Variants in DMC1 observed in about 807,000 individuals in gnomAD.
The protein encoded by DMC1 is DNA meiotic recombinase 1, also known as meiotic recombination protein DMC1 homolog.
DMC1 carries 27 observed loss-of-function variants against 50.1 expected under a neutral mutation model. The observed-to-expected ratio is 0.54, with a 90% CI of 0.40 to 0.74. DMC1 has a LOEUF of 0.74. Among genes scored for constraint, DMC1 ranks in the 30% least tolerant of loss-of-function variants. The pLI, the probability that DMC1 is intolerant of heterozygous loss-of-function variation, is 0.00. For missense variants in DMC1, 295 were observed against 420.2 expected (o/e 0.70, Z 2.60); for synonymous variants, 148 against 136.1 (o/e 1.09, Z -0.61).
At chr22:38,559,115 C>T (rs1215592405) in intron 5 of DMC1, among the ~76,000 whole-genome samples, 1 of 152,154 alleles carries the variant, frequency 6.6e-6, no homozygotes, top group East Asian at 1.9e-4. Flanking sequence ...CCACAACCTC[C>T]ATCTCCCAGG....
At chr22:38,513,292 C>G in the DMC1 span, among the ~76,000 whole-genome samples, 1 of 152,224 alleles carries the variant, frequency 6.6e-6, no homozygotes, top group Non-Finnish European at 1.5e-5. Context: ...TGAGCAGCCT[C>G]TAACCCCTGC....
chr22:38,535,921 T>A (rs1470274710), intron 12 of DMC1, among the ~76,000 whole-genome samples: 1 of 148,570 alleles, frequency 6.7e-6, no homozygotes, highest in Non-Finnish European at 1.5e-5. Context: ...CTTTAAAAGA[T>A]TTTTTTAAAA....
In DMC1 at chr22:38,568,141, G is replaced by A. The variant is rs112272401; in HGVS notation, c.51+65C>T. 712 of 1,415,486 alleles carry A rather than the reference G, an allele frequency of 5.0e-4. 3 individuals carry two copies. The African/African-American group carries it at 8.9e-3, about 18-fold the overall frequency. 87.7% of individuals were successfully genotyped at this position (1,415,486 alleles called of 1,614,324 possible). On this transcript the variant is annotated intron_variant, in intron 2 of 13. Transcript: ENST00000216024. Reference sequence around the variant, plus strand: ...CAGCTTCTAAAAATAGTAGCTAACAGGGAAGGAACTTGATTTTTGCGGAAT... The same window carrying A: ...CAGCTTCTAAAAATAGTAGCTAACAAGGAAGGAACTTGATTTTTGCGGAAT...
At chr22:38,548,694 C>T (rs1044394849) in intron 8 of DMC1, among the ~76,000 whole-genome samples, 5 of 151,988 alleles carry the variant, frequency 3.3e-5, no homozygotes, top group African/African-American at 1.2e-4. Context: ...GCCAACATGG[C>T]GAAACCCCAT....
chr22:38,526,291 A>G (rs945147352), intron 12 of DMC1, among the ~76,000 whole-genome samples: 1 of 150,718 alleles, frequency 6.6e-6, no homozygotes, highest in Admixed American at 6.6e-5. Flanking sequence ...TGCAATCTCC[A>G]CCTCCCGGGT....
chr22:38,554,808 A>G (rs2145959186), intron 6 of DMC1, among the ~76,000 whole-genome samples: 1 of 152,264 alleles, frequency 6.6e-6, no homozygotes, highest in South Asian at 2.1e-4. Context: ...GTGAAAAAAA[A>G]TCTATTATCA....
chr22:38,553,497 C>CAAA (rs372645739), intron 6 of DMC1, among the ~76,000 whole-genome samples: 2 of 46,986 alleles, frequency 4.3e-5, no homozygotes, highest in African/African-American at 7.8e-5. Context: ...GACTCCGTCT[C>CAAA]AAAAAAAAAA....
chr22:38,511,936 T>C, the DMC1 span, among the ~76,000 whole-genome samples: 9 of 152,008 alleles, frequency 5.9e-5, no homozygotes, highest in South Asian at 2.1e-4. Context: ...TAGACAGAGC[T>C]TTTCCTTCTT....
At chr22:38,532,365 CAGGCTGGAGTG>C (rs2090162398) in intron 12 of DMC1, among the ~76,000 whole-genome samples, 1 of 151,418 alleles carries the variant, frequency 6.6e-6, no homozygotes, top group Non-Finnish European at 1.5e-5. Context: ...CTCTGTCACC[CAGGCTGGAGTG>C]CAGGGGTGTG....
intron 12 of DMC1, among the ~76,000 whole-genome samples, chr22:38,536,936 C>A (rs1602730914): frequency 6.6e-6 from 1 of 152,112 alleles, no homozygotes. Context: ...CTGCAACCTC[C>A]GCCTCCCAGG....
intron 12 of DMC1, among the ~76,000 whole-genome samples, chr22:38,524,384 C>T (rs568413229): frequency 1.9e-3 from 286 of 151,874 alleles, no homozygotes; most frequent in Middle Eastern, 0.01. Context: ...CGGTGGCCCT[C>T]CAGCCCAGGC....
intron 13 of DMC1, among the ~76,000 whole-genome samples, chr22:38,520,989 G>T (rs893072560): frequency 1.3e-5 from 2 of 151,736 alleles, no homozygotes; most frequent in African/African-American, 4.8e-5. Flanking sequence ...GCCCACCTCG[G>T]CCTCCCAAAA....
chr22:38,521,855 C>T, intron 12 of DMC1, 131 bp from the exon 13 acceptor site: 1 of 747,954 alleles, frequency 1.3e-6, no homozygotes, highest in Non-Finnish European at 2.4e-6. Context: ...CAAGCAGAGG[C>T]TTGTTCATAA....
intron 12 of DMC1, 114 bp downstream of exon 12, chr22:38,537,478 C>T (rs984400938): frequency 4.3e-6 from 4 of 938,524 alleles, no homozygotes; most frequent in African/African-American, 1.6e-5. Context: ...TGCTAAAGTG[C>T]TGGAATTACA....
intron 13 of DMC1, among the ~76,000 whole-genome samples, chr22:38,521,226 T>TA (rs1260515987): frequency 6.6e-6 from 1 of 152,172 alleles, no homozygotes; most frequent in Non-Finnish European, 1.5e-5. Context: ...ACTTGATACT[T>TA]ACCTTGTATT....
chr22:38,547,902 T>G (rs536281940), intron 8 of DMC1, among the ~76,000 whole-genome samples: 11 of 152,186 alleles, frequency 7.2e-5, no homozygotes, highest in Non-Finnish European at 1.6e-4. Context: ...ACATAAAGCT[T>G]CTATCACCTC....
intron 8 of DMC1, 196 bp downstream of exon 8, chr22:38,549,729 A>C (rs1008082197): frequency 3.5e-6 from 2 of 569,416 alleles, no homozygotes; most frequent in African/African-American, 3.8e-5. Context: ...TGTCTCATAA[A>C]CCCATATGAA....
chr22:38,539,957 CAT>C (rs1269740158), intron 8 of DMC1, among the ~76,000 whole-genome samples: 3 of 152,152 alleles, frequency 2.0e-5, no homozygotes, highest in Admixed American at 6.6e-5. Context: ...TTATTAATCA[CAT>C]GTTGTTAAAT....
chr22:38,544,658 G>A (rs1252928590), intron 8 of DMC1, among the ~76,000 whole-genome samples: 1 of 147,838 alleles, frequency 6.8e-6, no homozygotes, highest in African/African-American at 2.5e-5. Context: ...ACAGAGTCTT[G>A]CTCTGTCCCC....
Sources: gnomAD v4.1 joint callset for allele counts (sites outside exome capture counted in the v4.1 genomes callset) on GRCh38, gnomAD v4.1.1 for gene constraint, MANE v1.5 for transcripts, NCBI Gene and HGNC (gene_info 2026-07-23, HGNC 2026-07-21) for gene names.